NLGN1: variants seen among roughly 807,000 people sequenced by gnomAD.
The protein encoded by NLGN1 is neuroligin 1.
In NLGN1, 12 loss-of-function variants were observed where a neutral mutation model predicts 65.5. The ratio of observed to expected loss-of-function variants is 0.18; its 90% confidence interval spans 0.12 to 0.30. NLGN1 has a LOEUF of 0.30. Ranked by LOEUF, NLGN1 falls within the 10% of genes least tolerant of loss-of-function variation. The pLI is 1.00. For synonymous variants in NLGN1, 350 were observed against 359.5 expected (o/e 0.97, Z 0.30); for missense variants, 750 against 1,007.1 (o/e 0.74, Z 3.46).
chr3:173,866,058 C>T (rs1730102113), intron 4 of NLGN1, among the ~76,000 whole-genome samples: 1 of 152,168 alleles, frequency 6.6e-6, no homozygotes, highest in Admixed American at 6.5e-5. Context: ...AGGAAACAGA[C>T]ACCTGTGACC....
chr3:174,163,475 T>C (rs1726945574), intron 4 of NLGN1, among the ~76,000 whole-genome samples: 1 of 151,976 alleles, frequency 6.6e-6, no homozygotes. Flanking sequence ...CATATACATG[T>C]TTGTTACCTG....
intron 2 of NLGN1, among the ~76,000 whole-genome samples, chr3:173,512,782 A>G (rs533294418): frequency 6.6e-5 from 10 of 152,136 alleles, no homozygotes; most frequent in African/African-American, 2.4e-4. Flanking sequence ...CAGTTACAAC[A>G]TTTCTATCAT....
intron 3 of NLGN1, among the ~76,000 whole-genome samples, chr3:173,783,514 CAG>C (rs746648117): frequency 4.0e-4 from 61 of 152,142 alleles, no homozygotes; most frequent in Non-Finnish European, 5.7e-4. Flanking sequence ...GTGCATAATC[CAG>C]AGTTATTGGA....
chr3:174,117,693 G>C (rs1716836579), intron 4 of NLGN1, among the ~76,000 whole-genome samples: 1 of 151,952 alleles, frequency 6.6e-6, no homozygotes, highest in African/African-American at 2.4e-5. Flanking sequence ...AGTGGCAAGA[G>C]GTCCATGTCT....
At chr3:174,286,988 T>C (rs1045996673), downstream of NLGN1, among the ~76,000 whole-genome samples, 9 of 151,494 alleles carry the variant, frequency 5.9e-5, no homozygotes, top group African/African-American at 1.2e-4. Context: ...TGCATCCAAA[T>C]AGTGCTTTAA....
chr3:174,131,734 C>T (rs1903742), intron 4 of NLGN1, among the ~76,000 whole-genome samples: 21,682 of 152,088 alleles, frequency 0.14, 1,808 homozygotes, highest in East Asian at 0.22. Flanking sequence ...TATTCAAATA[C>T]TATTAGTGAA....
At chr3:174,057,805 G>A (rs1580054190) in intron 4 of NLGN1, 1 of 152,026 alleles carries the variant, frequency 6.6e-6, no homozygotes, top group East Asian at 1.9e-4. Context: ...CTTTAGTCAT[G>A]TTGTTGAATT....
Position 173,473,568 on chromosome 3 carries a change from G to C in NLGN1, c.-321+38490G>C, listed in dbSNP as rs112686810. Among the ~76,000 whole-genome samples the C allele has an allele frequency of 5.4e-3, 821 of 152,104 alleles. 4 individuals carry two copies. Among genetic ancestry groups the C allele is most frequent in the Middle Eastern group, 0.024 (7 of 294 alleles). ...TGCTGTTTGAGGACTGTGTGCTTTG[G>C]GTAGTACTCTTCTCAGACAGTGATG... On this transcript the variant is annotated intron_variant, in intron 2 of 6. Transcript: ENST00000457714.
chr3:173,619,756 A>C (rs1326639357), intron 3 of NLGN1, among the ~76,000 whole-genome samples: 4 of 152,224 alleles, frequency 2.6e-5, no homozygotes, highest in Non-Finnish European at 5.9e-5. Context: ...TCACTATAAC[A>C]AACATTAGAG....
chr3:174,095,479 T>TTGTGTG (rs145452364), intron 4 of NLGN1, among the ~76,000 whole-genome samples: 20 of 149,786 alleles, frequency 1.3e-4, no homozygotes, highest in East Asian at 5.9e-4. Flanking sequence ...GTGTGTATGC[T>TTGTGTG]TGTGTGTGTG....
chr3:173,881,705 C>T (rs1282003323), intron 4 of NLGN1, among the ~76,000 whole-genome samples: 1 of 152,106 alleles, frequency 6.6e-6, no homozygotes, highest in Non-Finnish European at 1.5e-5. Context: ...GGCTCCACTT[C>T]TAATTCTAGT....
chr3:174,234,250 A>G (rs1183494204), intron 4 of NLGN1, among the ~76,000 whole-genome samples: 2 of 152,108 alleles, frequency 1.3e-5, no homozygotes, highest in Non-Finnish European at 2.9e-5. Context: ...ACACTTGGTC[A>G]AGCAGGTGAC....
intron 3 of NLGN1, among the ~76,000 whole-genome samples, chr3:173,668,382 G>A (rs1167064207): frequency 1.3e-5 from 2 of 152,058 alleles, no homozygotes; most frequent in Non-Finnish European, 2.9e-5. Flanking sequence ...GCATTTTAGG[G>A]TAATATAGTG....
chr3:174,196,735 A>C (rs1733494145), intron 4 of NLGN1, among the ~76,000 whole-genome samples: 1 of 152,230 alleles, frequency 6.6e-6, no homozygotes, highest in Non-Finnish European at 1.5e-5. Context: ...AAATCAGTTA[A>C]ATTTTAAATA....
intron 3 of NLGN1, among the ~76,000 whole-genome samples, chr3:173,709,075 G>A (rs1466678552): frequency 2.6e-5 from 4 of 152,206 alleles, no homozygotes; most frequent in Non-Finnish European, 5.9e-5. Context: ...AGACACAGAC[G>A]TAAGTATAGC....
At chr3:173,842,322 C>T (rs201257724) in intron 4 of NLGN1, among the ~76,000 whole-genome samples, 2 of 152,174 alleles carry the variant, frequency 1.3e-5, no homozygotes, top group East Asian at 3.9e-4. Context: ...CATAACATTC[C>T]ACCCCTAGCC....
chr3:173,608,794 T>C (rs1176125701), intron 3 of NLGN1, among the ~76,000 whole-genome samples: 2 of 151,924 alleles, frequency 1.3e-5, no homozygotes, highest in Non-Finnish European at 2.9e-5. Context: ...ATGAGTTCTT[T>C]TTATTCTATC....
In NLGN1 at chr3:173,915,969, G is replaced by A. The variant is rs1740650790; in HGVS notation, c.646+108137G>A. Among the ~76,000 whole-genome samples the A allele has an allele frequency of 1.3e-5, 2 of 152,046 alleles. 1 individual carries two copies. The highest frequency in any genetic ancestry group is 4.1e-4 in the South Asian group (2 of 4,822). On this transcript the variant is annotated intron_variant, in intron 4 of 6. Coordinates refer to ENST00000457714, the Ensembl canonical transcript of NLGN1. Reference sequence around the variant, plus strand: ...AGGATTGTGTGAGAAAAGTAGCAGGGTTTAGATCGTGAACTTTAATGTGGC... The same window carrying A: ...AGGATTGTGTGAGAAAAGTAGCAGGATTTAGATCGTGAACTTTAATGTGGC...
At chr3:174,242,461 A>G (rs994673498) in intron 4 of NLGN1, among the ~76,000 whole-genome samples, 3 of 152,116 alleles carry the variant, frequency 2.0e-5, no homozygotes, top group Non-Finnish European at 4.4e-5. Flanking sequence ...GAAGCTTCAA[A>G]TGTATTTACA....
Sources: allele counts gnomAD v4.1 joint callset (sites outside exome capture counted in the v4.1 genomes callset), GRCh38; gene constraint gnomAD v4.1.1; transcripts MANE v1.5; gene names NCBI Gene and HGNC (gene_info 2026-07-23, HGNC 2026-07-21).